The following UTS2R variants were observed in gnomAD, a reference collection of about 807,000 sequenced individuals.
UTS2R encodes the protein urotensin-2 receptor.
For missense variants in UTS2R, 653 were observed against 562.2 expected (o/e 1.16, Z -1.63); for synonymous variants, 335 against 280.9 (o/e 1.19, Z -1.93).
chr17:82,372,342 T>A (rs1217300753), intron 1 of UTS2R, among the ~76,000 whole-genome samples: 3 of 151,952 alleles, frequency 2.0e-5, no homozygotes, highest in Non-Finnish European at 4.4e-5. Context: ...GTCCCCTGGG[T>A]GAGGGCTCTG....
At position 82,375,240 on chromosome 17, in the gene UTS2R, G is replaced by C; in HGVS notation, c.916G>C (p.Gly306Arg). Reference sequence around the variant, plus strand: ...CTACCTGACCACCTGCCTCACCTACGGCAACAGCTGCGCCAACCCCTTCCT... The same window carrying C: ...CTACCTGACCACCTGCCTCACCTACCGCAACAGCTGCGCCAACCCCTTCCT... ...VNYLTTCLTY[G>R]NSCANPFLYT... Residue 306 changes from glycine to arginine, a missense_variant, in exon 3 of 3, where the codon GGC (glycine) becomes CGC (arginine). By Grantham distance (125) the Gly-to-Arg change is moderately radical. Coordinates refer to ENST00000313135, the MANE Select transcript of UTS2R (RefSeq NM_018949.3). 3 of 1,582,526 alleles carry C rather than the reference G, an allele frequency of 1.9e-6. No individual in the cohort carries two copies. The highest frequency in any genetic ancestry group is 8.6e-7 in the Non-Finnish European group (1 of 1,165,776).
chr17:82,376,727 T>C lies in UTS2R; in HGVS notation c.*1233T>C, dbSNP rs2143120749. The stretch of plus-strand genomic sequence containing the variant: ...AGTGCCACAGAACTGTGCACCTGAA[T>C]GTGTGAGTTCTGTCGTGTTTTACTT... On this transcript the variant is annotated 3_prime_UTR_variant, in exon 3 of 3. Coordinates refer to ENST00000313135, the MANE Select transcript of UTS2R (RefSeq NM_018949.3). Among the ~76,000 whole-genome samples the C allele has an allele frequency of 6.6e-6, 1 of 152,374 alleles. No individual in the cohort carries two copies. Among genetic ancestry groups the C allele is most frequent in the East Asian group, 1.9e-4 (1 of 5,188 alleles).
Position 82,374,343 on chromosome 17 carries a change from T to C in UTS2R, c.19T>C (p.Ser7Pro). 1 of 1,576,868 alleles carries C rather than the reference T, an allele frequency of 6.3e-7. No individual in the cohort carries two copies. The highest frequency in any genetic ancestry group is 1.3e-5 in the African/African-American group (1 of 74,106). Reference protein sequence around the residue: MALTPESPSSFPGLAAT... With the variant: MALTPEPPSSFPGLAAT... ...GTCAGAGATGGCGCTGACCCCCGAG[T>C]CCCCGAGCAGCTTCCCTGGGCTGGC... The change falls in exon 3 of 3, where the codon TCC (serine) becomes CCC (proline). Residue 7 changes from serine to proline, a missense_variant. Coordinates refer to ENST00000313135, the MANE Select transcript of UTS2R (RefSeq NM_018949.3).
In UTS2R at chr17:82,374,633, C is replaced by A. The variant is rs560471247; in HGVS notation, c.309C>A (p.Ser103Arg). The change falls in exon 3 of 3, where the codon AGC becomes AGA. Residue 103 changes from serine (S) to arginine (R), a missense_variant. Coordinates refer to ENST00000313135, the MANE Select transcript of UTS2R (RefSeq NM_018949.3). Reference protein sequence around the residue: ...LALADLLYLLSIPFIVATYVT... With the variant: ...LALADLLYLLRIPFIVATYVT... ...TGGCCGACCTGCTGTACCTGCTCAGCATCCCCTTCATCGTGGCCACCTACG... is the reference window on the plus strand; with the variant it reads ...TGGCCGACCTGCTGTACCTGCTCAGAATCCCCTTCATCGTGGCCACCTACG... The A allele has an allele frequency of 6.2e-7, 1 of 1,612,944 alleles. No homozygotes were observed. The highest frequency in any genetic ancestry group is 1.3e-5 in the African/African-American group (1 of 75,056).
In UTS2R at chr17:82,375,865, CT is replaced by C. The variant is rs1396272633; in HGVS notation, c.*374del. Among the ~76,000 whole-genome samples, 1 of 152,270 alleles carries C rather than the reference CT, an allele frequency of 6.6e-6. No individual in the cohort carries two copies. The highest frequency in any genetic ancestry group is 1.5e-5 in the Non-Finnish European group (1 of 68,048). ...GCCTGTGTGGCTCCATCCCTTGTGG[CT>C]TTGCCACTGGAACAATCAACCCTGA... On this transcript the variant is annotated 3_prime_UTR_variant, in exon 3 of 3. Coordinates refer to ENST00000313135, the MANE Select transcript of UTS2R (RefSeq NM_018949.3).
intron 2 of UTS2R, among the ~76,000 whole-genome samples, 190 bp from the exon 3 acceptor site, chr17:82,374,053 C>T (rs1157647648): frequency 3.7e-4 from 4 of 10,814 alleles, no homozygotes; most frequent in South Asian, 2.1e-3. Flanking sequence ...CTGGGGCATG[C>T]GGGGGTCGGG....
At chr17:82,373,026 G>T (rs1044279899) in intron 2 of UTS2R, among the ~76,000 whole-genome samples, 1 of 152,182 alleles carries the variant, frequency 6.6e-6, no homozygotes, top group Non-Finnish European at 1.5e-5. Context: ...TGTTGGCTGC[G>T]TGGGTGTCCT....
rs1441646716 is a variant in UTS2R, at chr17:82,374,899, G to T, written c.575G>T (p.Arg192Leu). 5 of 1,221,356 alleles carry T rather than the reference G, an allele frequency of 4.1e-6. No individual in the cohort carries two copies. Among genetic ancestry groups the T allele is most frequent in the Non-Finnish European group, 5.8e-6 (5 of 858,242 alleles). 75.7% of individuals were successfully genotyped at this position (1,221,356 alleles called of 1,614,324 possible). A position where few individuals can be genotyped will look rare whatever the true frequency, so the allele number is the denominator to read the frequency against. Reference sequence around the variant, plus strand: ...GTGATGCTGGCCATGCGGCTGGTGCGCCGGGGTCCCAAGAGCCTGTGCCTG... The same window carrying T: ...GTGATGCTGGCCATGCGGCTGGTGCTCCGGGGTCCCAAGAGCCTGTGCCTG... ...LPVMLAMRLV[R>L]RGPKSLCLPA... The change falls in exon 3 of 3, where the codon CGC becomes CTC. Residue 192 changes from arginine to leucine, a missense_variant. Arg to Leu is a moderately radical substitution (Grantham distance 102). Transcript: ENST00000313135.
chr17:82,375,276 C>G lies in UTS2R; in HGVS notation c.952C>G (p.Leu318Val). The G allele has an allele frequency of 6.4e-7, 1 of 1,566,758 alleles. No individual in the cohort carries two copies. Among genetic ancestry groups the G allele is most frequent in the Non-Finnish European group, 8.6e-7 (1 of 1,157,902 alleles). Reference sequence around the variant, plus strand: ...CGCCAACCCCTTCCTCTACACGCTGCTCACCAGGAACTACCGCGACCACCT... The same window carrying G: ...CGCCAACCCCTTCCTCTACACGCTGGTCACCAGGAACTACCGCGACCACCT... The part of the protein sequence containing the change: ...SCANPFLYTL[L>V]TRNYRDHLRG... The change falls in exon 3 of 3, where the codon CTC becomes GTC. Residue 318 changes from leucine to valine, a missense_variant. By Grantham distance (32) the Leu-to-Val change is conservative. Transcript: ENST00000313135.
At chr17:82,372,483 C>A (rs1180502694) in intron 1 of UTS2R, among the ~76,000 whole-genome samples, 115 bp from the exon 2 acceptor site, 3 of 152,208 alleles carry the variant, frequency 2.0e-5, no homozygotes, top group African/African-American at 7.2e-5. Context: ...AGCGCCCCCA[C>A]CTGTTGACAA....
At chr17:82,374,212 G>A (rs2052469248) in intron 2 of UTS2R, 31 bp from the exon 3 acceptor site, 3 of 810,888 alleles carry the variant, frequency 3.7e-6, no homozygotes, top group Non-Finnish European at 5.7e-6. Context: ...GGGAGCGGAA[G>A]GTGTTGCCTG....
Position 82,371,776 on chromosome 17 carries a change from T to C in UTS2R, c.-540T>C, listed in dbSNP as rs2052453115. ...GCGCGGGGCGCGGCGCATTCCCAGC[T>C]GGCGGCGGGCAGGTGGCGGCGGCGC... On this transcript the variant is annotated 5_prime_UTR_variant, in exon 1 of 3. Coordinates refer to ENST00000313135, the MANE Select transcript of UTS2R (RefSeq NM_018949.3). This position sits in a 1 kb window ranked among gnomAD's most constrained non-coding sequence, Gnocchi z 6.3. Among the ~76,000 whole-genome samples the C allele has an allele frequency of 1.3e-5, 2 of 151,002 alleles. No individual in the cohort carries two copies. Among genetic ancestry groups the C allele is most frequent in the Admixed American group, 6.6e-5 (1 of 15,166 alleles).
rs549881848 is a variant in UTS2R, at chr17:82,375,435, G to T, written c.1111G>T (p.Val371Leu). The change falls in exon 3 of 3, where the codon GTG becomes TTG. Residue 371 changes from valine to leucine, a missense_variant. Physicochemically the swap from Val to Leu is conservative, Grantham distance 32. Transcript: ENST00000313135. ...CAGCCCACAGCCCACTGACAGCCTC[G>T]TGCTGGCCCCAGCGGCCCCGGCCCG... ...SCSPQPTDSLVLAPAAPARPA... is the reference protein window; with the variant it reads ...SCSPQPTDSLLLAPAAPARPA... 1.9e-6 allele frequency: 3 copies of T among 1,562,724 alleles called. No individual in the cohort carries two copies. Among genetic ancestry groups the T allele is most frequent in the Non-Finnish European group, 2.6e-6 (3 of 1,164,022 alleles).
At position 82,377,056 on chromosome 17, in the gene UTS2R, G is replaced by T. The variant is rs1272959374; in HGVS notation, c.*1562G>T. 6.6e-6 allele frequency among the ~76,000 whole-genome samples: 1 copy of T among 152,254 alleles called. No individual in the cohort carries two copies. Among genetic ancestry groups the T allele is most frequent in the Non-Finnish European group, 1.5e-5 (1 of 68,046 alleles). On this transcript the variant is annotated 3_prime_UTR_variant, in exon 3 of 3. Coordinates refer to ENST00000313135, the MANE Select transcript of UTS2R (RefSeq NM_018949.3). The stretch of plus-strand genomic sequence containing the variant: ...AGGTGGGGAAAAGATTGAGAAATCG[G>T]ATGGTTGCCGTGTCTGTGTAGAAAG...
rs539244286 is a variant in UTS2R, at chr17:82,373,769, C to G, written c.-82-474C>G. 3.9e-5 allele frequency among the ~76,000 whole-genome samples: 6 copies of G among 152,314 alleles called. No homozygotes were observed. The South Asian group carries it at 1.0e-3, about 26-fold the overall frequency. On this transcript the variant is annotated intron_variant, in intron 2 of 2. Coordinates refer to ENST00000313135, the MANE Select transcript of UTS2R (RefSeq NM_018949.3). ...GTTCTTCTATTTGGACTTTTAAAGT[C>G]AGTAGCTACTAGTTTTGCAATCTAA...
rs2052480443 is a variant in UTS2R, at chr17:82,374,978, C to T, written c.654C>T (p.Thr218=). The T allele has an allele frequency of 1.7e-6, 2 of 1,210,992 alleles. No homozygotes were observed. The highest frequency in any genetic ancestry group is 1.2e-6 in the Non-Finnish European group (1 of 859,926). 75.0% of individuals were successfully genotyped at this position (1,210,992 alleles called of 1,614,324 possible). Residue 218 remains threonine (T), a synonymous_variant, in exon 3 of 3, where the codon ACC becomes ACT. Coordinates refer to ENST00000313135, the MANE Select transcript of UTS2R (RefSeq NM_018949.3). ...CCTACCTGACGCTGCTCTTCGCCAC[C>T]AGCATCGCGGGGCCCGGGCTGCTCA... is the stretch of plus-strand genomic sequence containing the variant. ...HRAYLTLLFA[T]SIAGPGLLIG...
chr17:82,373,642 C>G (rs1268397952), intron 2 of UTS2R, among the ~76,000 whole-genome samples: 1 of 152,206 alleles, frequency 6.6e-6, no homozygotes, highest in African/African-American at 2.4e-5. Context: ...TCCAGAACCT[C>G]GACTGACTGA....
At chr17:82,372,891 C>T (rs2052460542) in intron 2 of UTS2R, among the ~76,000 whole-genome samples, 108 bp downstream of exon 2, 1 of 152,216 alleles carries the variant, frequency 6.6e-6, no homozygotes, top group South Asian at 2.1e-4. Context: ...TTCCCAGCAA[C>T]AGGAAACGGC....
chr17:82,376,802 A>G lies in UTS2R; in HGVS notation c.*1308A>G, dbSNP rs2052499385. ...CGACCTTGTCCCTCTGTTAAAATTG[A>G]AAGAGACTGATGTCAGCCGCCCCGT... is the stretch of plus-strand genomic sequence containing the variant. On this transcript the variant is annotated 3_prime_UTR_variant, in exon 3 of 3. Coordinates refer to ENST00000313135, the MANE Select transcript of UTS2R (RefSeq NM_018949.3). Among the ~76,000 whole-genome samples, 1 of 152,208 alleles carries G rather than the reference A, an allele frequency of 6.6e-6. No individual in the cohort carries two copies. Among genetic ancestry groups the G allele is most frequent in the Non-Finnish European group, 1.5e-5 (1 of 68,038 alleles).
Sources: gnomAD v4.1 joint callset for allele counts (sites outside exome capture counted in the v4.1 genomes callset) on GRCh38, gnomAD v4.1.1 for gene constraint, Gnocchi (gnomAD v3.1) non-coding constraint, MANE v1.5 for transcripts, NCBI Gene and HGNC (gene_info 2026-07-23, HGNC 2026-07-21) for gene names.